EYS: variants seen among roughly 807,000 people sequenced by gnomAD.
The protein encoded by EYS is EGF-like photoreceptor maintenance factor, also known as protein eyes shut homolog.
In EYS, 250 loss-of-function variants were observed where a neutral mutation model predicts 282.1. The observed-to-expected ratio is 0.89, with a 90% CI of 0.80 to 0.98. EYS has a LOEUF of 0.98. Ranked by LOEUF, EYS falls within the 50% of genes least tolerant of loss-of-function variation. EYS has a pLI of 0.00. For missense variants in EYS, 4,016 were observed against 3,709.0 expected (o/e 1.08, Z -2.15); for synonymous variants, 1,355 against 1,282.9 (o/e 1.06, Z -1.20).
chr6:64,342,130 T>A (rs1269731243), intron 29 of EYS, among the ~76,000 whole-genome samples: 1 of 151,632 alleles, frequency 6.6e-6, no homozygotes, highest in African/African-American at 2.4e-5. Context: ...AGTTATAGAA[T>A]GAAATAAAAT....
chr6:65,353,606 AATGC>A lies in EYS; in HGVS notation c.1307_1310del (p.Cys436PhefsTer12). On this transcript the variant is annotated frameshift_variant, in exon 9 of 43. Transcript: ENST00000503581. LOFTEE classifies it high-confidence loss of function. ...AACATGGATTTTTTGTGCACCCTGG[AATGC>A]ATACATACTGCAAAAAGGAAACAAG... 6.2e-7 allele frequency: 1 copy of A among 1,612,738 alleles called. No homozygotes were observed. The highest frequency in any genetic ancestry group is 1.7e-5 in the Admixed American group (1 of 59,976).
intron 28 of EYS, among the ~76,000 whole-genome samples, chr6:64,412,336 A>G (rs918441375): frequency 6.6e-6 from 1 of 152,126 alleles, no homozygotes; most frequent in African/African-American, 2.4e-5. Context: ...TGAATAGCCT[A>G]TTTAAAACAA....
intron 22 of EYS, among the ~76,000 whole-genome samples, chr6:64,654,976 A>T (rs7749616): frequency 0.2 from 30,281 of 152,096 alleles, 3,475 homozygotes; most frequent in East Asian, 0.35. Context: ...TTTAACTTGC[A>T]CTGGAATCAG....
At chr6:64,424,288 T>TA (rs1217852126) in intron 28 of EYS, among the ~76,000 whole-genome samples, 2 of 152,172 alleles carry the variant, frequency 1.3e-5, no homozygotes, top group African/African-American at 2.4e-5. Flanking sequence ...GGCATCTGTT[T>TA]AAAAACAGAA....
chr6:64,229,247 C>T (rs1766343523), intron 31 of EYS, among the ~76,000 whole-genome samples: 1 of 152,060 alleles, frequency 6.6e-6, no homozygotes, highest in Admixed American at 6.6e-5. Flanking sequence ...TGCACTCCAG[C>T]CTGGGCGGCA....
intron 31 of EYS, among the ~76,000 whole-genome samples, chr6:64,188,179 G>T (rs1298243673): frequency 6.6e-6 from 1 of 152,026 alleles, no homozygotes; most frequent in Non-Finnish European, 1.5e-5. Context: ...AAGTTCCACA[G>T]ATGAAATTAA....
chr6:63,952,292 G>A (rs918800972), intron 35 of EYS, among the ~76,000 whole-genome samples: 9 of 152,130 alleles, frequency 5.9e-5, no homozygotes, highest in African/African-American at 1.2e-4. Context: ...CAACTCACCC[G>A]GCAGCCACTC....
intron 26 of EYS, among the ~76,000 whole-genome samples, chr6:64,532,434 G>T (rs1455280086): frequency 1.3e-5 from 2 of 152,284 alleles, no homozygotes; most frequent in East Asian, 3.9e-4. Context: ...TCTAGGCCGG[G>T]CGCGGTGGCT....
chr6:64,846,334 A>G (rs1765712757), intron 19 of EYS, among the ~76,000 whole-genome samples: 1 of 152,136 alleles, frequency 6.6e-6, no homozygotes, highest in Non-Finnish European at 1.5e-5. Context: ...GGTTATTCCT[A>G]GAATTGAATA....
intron 26 of EYS, among the ~76,000 whole-genome samples, chr6:64,577,781 G>A (rs1006473208): frequency 5.9e-5 from 9 of 151,976 alleles, no homozygotes; most frequent in South Asian, 2.1e-4. Flanking sequence ...TCAGAGTTTC[G>A]CTTTATAATA....
At chr6:65,177,076 T>C (rs1177289418) in intron 12 of EYS, among the ~76,000 whole-genome samples, 1 of 151,768 alleles carries the variant, frequency 6.6e-6, no homozygotes, top group African/African-American at 2.4e-5. Context: ...TAACATTAAT[T>C]TGTGAGTGTT....
intron 37 of EYS, among the ~76,000 whole-genome samples, chr6:63,793,561 TAGAA>T (rs2149673099): frequency 6.6e-6 from 1 of 152,358 alleles, no homozygotes; most frequent in South Asian, 2.1e-4. Flanking sequence ...TTTTTTAACT[TAGAA>T]TGACATAAAT....
intron 2 of EYS, among the ~76,000 whole-genome samples, chr6:65,591,069 GCTGCA>G (rs1255963035): frequency 6.6e-6 from 1 of 151,764 alleles, no homozygotes; most frequent in East Asian, 1.9e-4. Flanking sequence ...TTCCAAAATG[GCTGCA>G]CTAATTTACA....
chr6:64,306,618 G>C (rs1475492243), intron 30 of EYS, among the ~76,000 whole-genome samples: 2 of 152,146 alleles, frequency 1.3e-5, no homozygotes, highest in African/African-American at 4.8e-5. Flanking sequence ...TTTGGAAAAA[G>C]AATGTATTTT....
chr6:64,316,292 A>T (rs762041508), intron 29 of EYS, among the ~76,000 whole-genome samples: 2 of 152,186 alleles, frequency 1.3e-5, no homozygotes, highest in Non-Finnish European at 2.9e-5. Context: ...CTGTTTGCAG[A>T]TGATGTGATT....
chr6:64,154,062 T>C (rs1281567101), intron 31 of EYS, among the ~76,000 whole-genome samples: 1 of 152,194 alleles, frequency 6.6e-6, no homozygotes, highest in Non-Finnish European at 1.5e-5. Context: ...AGATATTTAT[T>C]TGTTGAAATA....
At chr6:65,401,349 A>AT (rs1367585619) in intron 7 of EYS, among the ~76,000 whole-genome samples, 9 of 148,806 alleles carry the variant, frequency 6.0e-5, no homozygotes, top group Admixed American at 2.7e-4. Context: ...AGAGTTAGCA[A>AT]TTTTTTTTTA....
At chr6:64,051,334 T>G (rs1352494497) in intron 33 of EYS, among the ~76,000 whole-genome samples, 1 of 152,134 alleles carries the variant, frequency 6.6e-6, no homozygotes, top group Non-Finnish European at 1.5e-5. Flanking sequence ...GGAAGATAAA[T>G]TTATAGAGTT....
intron 22 of EYS, among the ~76,000 whole-genome samples, chr6:64,742,886 G>A (rs889548243): frequency 2.6e-5 from 4 of 151,984 alleles, no homozygotes; most frequent in African/African-American, 9.7e-5. Flanking sequence ...CTCACATTAC[G>A]AGGCAAGTAT....
Sources: allele counts gnomAD v4.1 joint callset (sites outside exome capture counted in the v4.1 genomes callset), GRCh38; gene constraint gnomAD v4.1.1; transcripts MANE v1.5; gene names NCBI Gene and HGNC (gene_info 2026-07-23, HGNC 2026-07-21).